Variants in TENM2 observed in about 807,000 individuals in gnomAD.
The protein encoded by TENM2 is teneurin-2.
In TENM2, 52 loss-of-function variants were observed where a neutral mutation model predicts 245.2. That is an observed-to-expected ratio of 0.21 (90% CI 0.17 to 0.27). The LOEUF is 0.27. Ranked by LOEUF, TENM2 falls within the 10% of genes least tolerant of loss-of-function variation. The probability of loss-of-function intolerance (pLI) is 1.00; values close to 1 mark genes in which losing one functional copy is unlikely to be tolerated. For missense variants in TENM2, 3,046 were observed against 3,666.8 expected, an observed-to-expected ratio of 0.83 and a Z score of 4.37; for synonymous variants, 1,363 against 1,438.9, an observed-to-expected ratio of 0.95 and a Z score of 1.19.
intron 2 of TENM2, among the ~76,000 whole-genome samples, chr5:167,474,155 TTA>T (rs78858637): frequency 0.2 from 30,752 of 152,054 alleles, 3,253 homozygotes; most frequent in Non-Finnish European, 0.23. Flanking sequence ...ATGAAAACTT[TTA>T]GAGATGTAGA....
chr5:167,964,880 T>C (rs1316584573), intron 4 of TENM2, among the ~76,000 whole-genome samples: 1 of 152,160 alleles, frequency 6.6e-6, no homozygotes, highest in African/African-American at 2.4e-5. Context: ...CGAGAACAAT[T>C]AAAAGTCACT....
intron 3 of TENM2, among the ~76,000 whole-genome samples, chr5:167,909,479 C>CA (rs1426669898): frequency 6.6e-6 from 1 of 152,166 alleles, no homozygotes; most frequent in Non-Finnish European, 1.5e-5. Flanking sequence ...TAAAATTACT[C>CA]AATGAAATCT....
At chr5:167,915,954 C>A (rs1018383005) in intron 3 of TENM2, among the ~76,000 whole-genome samples, 17 of 152,108 alleles carry the variant, frequency 1.1e-4, no homozygotes, top group Non-Finnish European at 2.1e-4. Context: ...ATCTGACTGA[C>A]CTTAGAGAAG....
At chr5:167,865,542 G>A (rs1350463250) in intron 2 of TENM2, among the ~76,000 whole-genome samples, 2 of 152,106 alleles carry the variant, frequency 1.3e-5, no homozygotes, top group African/African-American at 4.8e-5. Context: ...CCAAAGTGCT[G>A]GGATTACAGT....
chr5:167,489,718 A>G lies in TENM2; in HGVS notation c.502+114245A>G, dbSNP rs1177065639. On this transcript the variant is annotated intron_variant, in intron 2 of 28. Coordinates refer to ENST00000518659, the Ensembl canonical transcript of TENM2. ...CACTGATGTCTATATCCTCAGTGCT[A>G]AGCACAGTATGTACTGGATATACAT... is the stretch of plus-strand genomic sequence containing the variant. 2.6e-5 allele frequency among the ~76,000 whole-genome samples: 4 copies of G among 152,304 alleles called. No individual in the cohort carries two copies. In the East Asian group the frequency reaches 7.7e-4, roughly 29 times the overall value.
intron 2 of TENM2, among the ~76,000 whole-genome samples, chr5:167,481,622 C>G (rs905738903): frequency 1.3e-5 from 2 of 152,104 alleles, no homozygotes; most frequent in African/African-American, 4.8e-5. Flanking sequence ...GTGTCACGTA[C>G]CTGTGTGAAC....
At chr5:167,594,237 GTTCC>G (rs1447169656) in intron 2 of TENM2, among the ~76,000 whole-genome samples, 1 of 152,144 alleles carries the variant, frequency 6.6e-6, no homozygotes, top group Admixed American at 6.5e-5. Flanking sequence ...TCAGCTTTCT[GTTCC>G]TTCTGTCTTT....
At chr5:168,214,761 G>A (rs993306022) in intron 20 of TENM2, 64 of 529,108 alleles carry the variant, frequency 1.2e-4, no homozygotes, top group Admixed American at 2.5e-4. Flanking sequence ...AAACAGGATC[G>A]GAGTGGGAGC....
At chr5:167,369,657 C>T (rs1760283789) in intron 1 of TENM2, among the ~76,000 whole-genome samples, 1 of 131,884 alleles carries the variant, frequency 7.6e-6, no homozygotes, top group Non-Finnish European at 1.5e-5. Flanking sequence ...AGTGGTCATT[C>T]GTGACTTTTC....
At chr5:167,566,606 C>A (rs752576325) in intron 2 of TENM2, among the ~76,000 whole-genome samples, 1 of 152,146 alleles carries the variant, frequency 6.6e-6, no homozygotes. Context: ...GCAGTGAATG[C>A]GTTTTTCTGA....
At chr5:167,255,608 A>T in the TENM2 span, among the ~76,000 whole-genome samples, 1 of 152,112 alleles carries the variant, frequency 6.6e-6, no homozygotes, top group Non-Finnish European at 1.5e-5. Flanking sequence ...GGATATGAAA[A>T]CGTAGATTTC....
At chr5:168,257,211 G>A (rs1253755187) in intron 27 of TENM2, among the ~76,000 whole-genome samples, 1 of 151,860 alleles carries the variant, frequency 6.6e-6, no homozygotes, top group African/African-American at 2.4e-5. Flanking sequence ...CAGCATGTTA[G>A]AAGAATGTGA....
chr5:167,176,336 C>A, the TENM2 span, among the ~76,000 whole-genome samples: 5 of 152,320 alleles, frequency 3.3e-5, no homozygotes, highest in Admixed American at 2.6e-4. Flanking sequence ...TTTTGTGAAG[C>A]TTTTCTTGAA....
chr5:167,307,359 T>C lies in TENM2; in HGVS notation c.226+22296T>C, dbSNP rs1441080594. On this transcript the variant is annotated intron_variant, in intron 1 of 28. Transcript: ENST00000518659. ...CTGATGTCTGTGATTTATTCTATTATACTGTCAGGATTAAAACACCTTAGC... is the reference window on the plus strand; with the variant it reads ...CTGATGTCTGTGATTTATTCTATTACACTGTCAGGATTAAAACACCTTAGC... 2.6e-5 allele frequency among the ~76,000 whole-genome samples: 4 copies of C among 152,150 alleles called. 1 individual carries two copies. The highest frequency in any genetic ancestry group is 7.2e-5 in the African/African-American group (3 of 41,432).
chr5:167,095,354 A>G, the TENM2 span, among the ~76,000 whole-genome samples: 2 of 152,128 alleles, frequency 1.3e-5, no homozygotes, highest in South Asian at 2.1e-4. Flanking sequence ...AAAGACTGAC[A>G]TGGGGCAGGG....
At chr5:167,922,395 A>G (rs1040216062) in intron 3 of TENM2, among the ~76,000 whole-genome samples, 3 of 106,018 alleles carry the variant, frequency 2.8e-5, no homozygotes, top group Non-Finnish European at 5.2e-5. Flanking sequence ...CCCCTCTATC[A>G]TGAATCACCA....
chr5:167,123,681 C>T, the TENM2 span, among the ~76,000 whole-genome samples: 4 of 152,128 alleles, frequency 2.6e-5, no homozygotes, highest in African/African-American at 9.7e-5. Flanking sequence ...AACTCAGCTC[C>T]AAAAATATTG....
intron 2 of TENM2, among the ~76,000 whole-genome samples, chr5:167,663,261 A>C (rs1180611366): frequency 6.6e-6 from 1 of 152,036 alleles, no homozygotes; most frequent in Non-Finnish European, 1.5e-5. Context: ...CACTACACCA[A>C]GAGCTCCTTT....
chr5:167,498,116 TGA>T (rs1438995851), intron 2 of TENM2, among the ~76,000 whole-genome samples: 1 of 151,424 alleles, frequency 6.6e-6, no homozygotes, highest in Non-Finnish European at 1.5e-5. Context: ...AGGGAGGGGG[TGA>T]GTTTGTTGTC....
Sources: gnomAD v4.1 joint callset for allele counts (sites outside exome capture counted in the v4.1 genomes callset) on GRCh38, gnomAD v4.1.1 for gene constraint, MANE v1.5 for transcripts, NCBI Gene and HGNC (gene_info 2026-07-23, HGNC 2026-07-21) for gene names.